The following MATCAP2 variants were observed in gnomAD, a reference collection of about 807,000 sequenced individuals.
MATCAP2 encodes the protein microtubule associated tyrosine carboxypeptidase 2.
At chr7:36,366,504 C>T in the MATCAP2 span, among the ~76,000 whole-genome samples, 97 of 152,312 alleles carry the variant, frequency 6.4e-4, 1 homozygote, top group South Asian at 0.02. Context: ...CAAATATACA[C>T]AGTATAAATA....
the MATCAP2 span, among the ~76,000 whole-genome samples, chr7:36,334,583 T>C: frequency 7.0e-6 from 1 of 143,154 alleles, no homozygotes. Context: ...GCCAAATTGA[T>C]GTGTGCCTAC....
the MATCAP2 span, among the ~76,000 whole-genome samples, chr7:36,331,808 T>G: frequency 1.3e-5 from 2 of 152,224 alleles, no homozygotes; most frequent in Non-Finnish European, 2.9e-5. Flanking sequence ...AAAATTTTGC[T>G]CTATTAAATT....
At chr7:36,353,667 G>A in the MATCAP2 span, among the ~76,000 whole-genome samples, 1 of 151,992 alleles carries the variant, frequency 6.6e-6, no homozygotes, top group Non-Finnish European at 1.5e-5. Context: ...TTTTAGTAGA[G>A]ACGGGGTTTC....
the MATCAP2 span, among the ~76,000 whole-genome samples, chr7:36,352,715 C>T: frequency 6.6e-6 from 1 of 151,578 alleles, no homozygotes; most frequent in Non-Finnish European, 1.5e-5. Flanking sequence ...GCCCATAATC[C>T]CAGCTACTCA....
At chr7:36,334,304 A>AGTTT in the MATCAP2 span, 1 of 633,284 alleles carries the variant, frequency 1.6e-6, no homozygotes, top group Non-Finnish European at 2.7e-6. Context: ...TGGAAGGCCG[A>AGTTT]GGCATGCGGA....
the MATCAP2 span, among the ~76,000 whole-genome samples, chr7:36,359,873 C>T: frequency 1.3e-5 from 2 of 152,064 alleles, no homozygotes; most frequent in South Asian, 4.1e-4. Flanking sequence ...TTCCCTCAAA[C>T]GACACCACAA....
chr7:36,343,300 C>T, the MATCAP2 span, among the ~76,000 whole-genome samples: 1 of 137,992 alleles, frequency 7.2e-6, no homozygotes, highest in Admixed American at 7.6e-5. Context: ...AGTTCAAGAC[C>T]AGCCTGGTCA....
At chr7:36,380,988 T>C in the MATCAP2 span, among the ~76,000 whole-genome samples, 1 of 152,178 alleles carries the variant, frequency 6.6e-6, no homozygotes, top group Admixed American at 6.5e-5. Flanking sequence ...CTTGGCCTCC[T>C]TTTCAAAATA....
chr7:36,385,067 T>C, the MATCAP2 span, among the ~76,000 whole-genome samples: 2 of 152,170 alleles, frequency 1.3e-5, no homozygotes, highest in Non-Finnish European at 2.9e-5. Context: ...TCCCTCTCTA[T>C]AAATAAATTA....
At chr7:36,326,254 C>A in the MATCAP2 span, 1 of 152,094 alleles carries the variant, frequency 6.6e-6, no homozygotes, top group African/African-American at 2.4e-5. Flanking sequence ...TAAAATCCCT[C>A]AACATATAAA....
At chr7:36,347,968 C>T in the MATCAP2 span, among the ~76,000 whole-genome samples, 2 of 152,134 alleles carry the variant, frequency 1.3e-5, no homozygotes, top group Admixed American at 6.5e-5. Flanking sequence ...GGTTTCAAGG[C>T]CAAATTATAG....
the MATCAP2 span, chr7:36,356,009 TG>T: frequency 6.6e-6 from 1 of 152,230 alleles, no homozygotes; most frequent in Admixed American, 6.5e-5. Flanking sequence ...TTGCTAAACT[TG>T]AAGATAATTT....
At chr7:36,385,591 C>G in the MATCAP2 span, among the ~76,000 whole-genome samples, 4 of 152,060 alleles carry the variant, frequency 2.6e-5, no homozygotes, top group East Asian at 1.9e-4. Flanking sequence ...TGGAGACCAG[C>G]CTGGGCAACA....
chr7:36,379,162 A>AG, the MATCAP2 span, among the ~76,000 whole-genome samples: 1 of 152,202 alleles, frequency 6.6e-6, no homozygotes, highest in African/African-American at 2.4e-5. Context: ...GAAATGCAGA[A>AG]ATCACCCATC....
At chr7:36,374,621 G>A in the MATCAP2 span, among the ~76,000 whole-genome samples, 5 of 152,060 alleles carry the variant, frequency 3.3e-5, no homozygotes, top group East Asian at 9.6e-4. Flanking sequence ...CATGTGCCAT[G>A]TTGGTTTGCT....
At chr7:36,329,867 T>A in the MATCAP2 span, among the ~76,000 whole-genome samples, 1 of 152,132 alleles carries the variant, frequency 6.6e-6, no homozygotes, top group African/African-American at 2.4e-5. Flanking sequence ...CAGCAGGTTA[T>A]CAAACACCCA....
chr7:36,376,536 G>A, the MATCAP2 span, among the ~76,000 whole-genome samples: 6 of 152,232 alleles, frequency 3.9e-5, no homozygotes, highest in Admixed American at 3.9e-4. Context: ...TGGAATAAGT[G>A]CAATGCGGTG....
the MATCAP2 span, among the ~76,000 whole-genome samples, chr7:36,338,761 A>G: frequency 2.0e-5 from 3 of 152,242 alleles, no homozygotes; most frequent in Non-Finnish European, 4.4e-5. Flanking sequence ...TTTGTCATCT[A>G]TTATCTCTAA....
the MATCAP2 span, among the ~76,000 whole-genome samples, chr7:36,364,104 T>G: frequency 3.5e-5 from 5 of 141,478 alleles, no homozygotes; most frequent in Admixed American, 6.9e-5. Flanking sequence ...TTTTTTTTTT[T>G]TGTGACAGGG....
Sources: allele counts gnomAD v4.1 joint callset (sites outside exome capture counted in the v4.1 genomes callset), GRCh38; gene constraint gnomAD v4.1.1; transcripts MANE v1.5; gene names NCBI Gene and HGNC (gene_info 2026-07-23, HGNC 2026-07-21).